Variants in CADM2 observed in about 807,000 individuals in gnomAD.
The protein encoded by CADM2 is immunoglobulin superfamily member 4D.
Under a neutral mutation model 49.8 loss-of-function variants are expected in CADM2, and 12 were observed. The ratio of observed to expected loss-of-function variants is 0.24; its 90% CI spans 0.15 to 0.39. The LOEUF (loss-of-function observed/expected upper bound fraction) is 0.39, where lower values mean the gene tolerates loss of function less well. CADM2 is among the 10% of genes least tolerant of loss of function. The pLI, the probability that CADM2 is intolerant of heterozygous loss-of-function variation, is 1.00. For missense variants in CADM2, 378 were observed against 492.3 expected (o/e 0.77, Z 2.20); for synonymous variants, 214 against 175.4 (o/e 1.22, Z -1.74).
At chr3:85,282,315 A>G (rs72919263) in intron 1 of CADM2, among the ~76,000 whole-genome samples, 25,426 of 134,378 alleles carry the variant, frequency 0.19, 4,039 homozygotes, top group African/African-American at 0.46. Context: ...AGGCTGTAGT[A>G]CAGTAGTGTG....
chr3:85,713,746 C>T (rs1033031809), intron 1 of CADM2, among the ~76,000 whole-genome samples: 2 of 152,084 alleles, frequency 1.3e-5, no homozygotes, highest in African/African-American at 4.8e-5. Context: ...TCTAAATGAC[C>T]ACATTTTCAT....
chr3:85,606,891 G>T (rs946385646), intron 1 of CADM2, among the ~76,000 whole-genome samples: 5 of 151,816 alleles, frequency 3.3e-5, no homozygotes, highest in African/African-American at 1.2e-4. Context: ...TAAGATATTT[G>T]GTCTTCAGGG....
chr3:85,630,447 G>T (rs944690803), intron 1 of CADM2, among the ~76,000 whole-genome samples: 2 of 151,972 alleles, frequency 1.3e-5, no homozygotes, highest in Non-Finnish European at 2.9e-5. Context: ...CATCTGTATA[G>T]TGTAGAAACA....
intron 1 of CADM2, among the ~76,000 whole-genome samples, chr3:85,081,224 G>A (rs1341538332): frequency 6.6e-6 from 1 of 152,034 alleles, no homozygotes; most frequent in Non-Finnish European, 1.5e-5. Context: ...TTAAGTTGGT[G>A]TCTGTTTCAT....
At chr3:85,929,472 G>A (rs539558671) in intron 6 of CADM2, among the ~76,000 whole-genome samples, 2 of 152,014 alleles carry the variant, frequency 1.3e-5, no homozygotes, top group South Asian at 2.1e-4. Flanking sequence ...AAGTTTGGAT[G>A]ATGCACTATT....
chr3:85,505,998 T>C (rs973315808), intron 1 of CADM2, among the ~76,000 whole-genome samples: 93 of 152,224 alleles, frequency 6.1e-4, no homozygotes, highest in African/African-American at 2.1e-3. Context: ...CCTTCTTTTT[T>C]AGAATAGTCA....
At chr3:85,147,729 T>C (rs2039797516) in intron 1 of CADM2, among the ~76,000 whole-genome samples, 1 of 152,162 alleles carries the variant, frequency 6.6e-6, no homozygotes, top group African/African-American at 2.4e-5. Context: ...TTGTTCAGGA[T>C]GTTAAAAGAT....
intron 7 of CADM2, among the ~76,000 whole-genome samples, chr3:85,943,107 G>A (rs376678071): frequency 6.6e-6 from 1 of 151,720 alleles, no homozygotes; most frequent in East Asian, 1.9e-4. Context: ...ATTTTTTCAT[G>A]TGTTTTTTGG....
chr3:86,061,475 GTT>G (rs1738642708), intron 8 of CADM2, among the ~76,000 whole-genome samples: 3 of 152,012 alleles, frequency 2.0e-5, no homozygotes, highest in Admixed American at 1.3e-4. Context: ...AAAAACAGAA[GTT>G]ATATTTTAAC....
intron 1 of CADM2, among the ~76,000 whole-genome samples, chr3:85,260,099 G>A (rs1490699194): frequency 6.6e-6 from 1 of 151,862 alleles, no homozygotes; most frequent in Non-Finnish European, 1.5e-5. Context: ...CTATTGCTCA[G>A]TAGAATATAA....
At chr3:86,056,998 A>G (rs749279959) in intron 8 of CADM2, among the ~76,000 whole-genome samples, 4 of 152,170 alleles carry the variant, frequency 2.6e-5, no homozygotes, top group African/African-American at 4.8e-5. Flanking sequence ...TAAAACTCAA[A>G]GTTTCTACAC....
chr3:85,997,573 A>G (rs1360985581), intron 8 of CADM2, among the ~76,000 whole-genome samples: 1 of 152,210 alleles, frequency 6.6e-6, no homozygotes. Context: ...GAAACAACCT[A>G]TCTTAAAATT....
chr3:85,840,686 T>C (rs2074603234), intron 3 of CADM2, among the ~76,000 whole-genome samples: 1 of 152,012 alleles, frequency 6.6e-6, no homozygotes. Flanking sequence ...ACTTGCAGTA[T>C]CCCTTAGGAT....
chr3:85,308,666 G>T (rs922325826), intron 1 of CADM2, among the ~76,000 whole-genome samples: 12 of 151,970 alleles, frequency 7.9e-5, no homozygotes, highest in Non-Finnish European at 1.6e-4. Context: ...AAAGAGCTTT[G>T]CAGTGTATGA....
At chr3:85,723,783 A>C (rs996165536) in intron 1 of CADM2, among the ~76,000 whole-genome samples, 4 of 152,064 alleles carry the variant, frequency 2.6e-5, no homozygotes, top group African/African-American at 9.7e-5. Context: ...TTTCTTATAA[A>C]AGATTGGTTG....
At chr3:85,724,714 T>G (rs2067625383) in intron 1 of CADM2, among the ~76,000 whole-genome samples, 1 of 151,966 alleles carries the variant, frequency 6.6e-6, no homozygotes. Flanking sequence ...CTGCAAATTT[T>G]ATTTTTTATC....
chr3:85,647,479 A>G (rs1213854508), intron 1 of CADM2, among the ~76,000 whole-genome samples: 1 of 151,794 alleles, frequency 6.6e-6, no homozygotes, highest in Non-Finnish European at 1.5e-5. Flanking sequence ...TTTCAAAAAT[A>G]TTTAAGATAA....
chr3:85,374,187 T>C (rs1283577238), intron 1 of CADM2, among the ~76,000 whole-genome samples: 2 of 152,136 alleles, frequency 1.3e-5, no homozygotes, highest in Non-Finnish European at 2.9e-5. Context: ...GTTAATAAAA[T>C]GTGAATGCTT....
At chr3:85,333,415 C>T (rs1457738468) in intron 1 of CADM2, among the ~76,000 whole-genome samples, 2 of 151,566 alleles carry the variant, frequency 1.3e-5, no homozygotes, top group Non-Finnish European at 3.0e-5. Context: ...AATTTTATGT[C>T]TATATTATAT....
Sources: allele counts gnomAD v4.1 joint callset (sites outside exome capture counted in the v4.1 genomes callset), GRCh38; gene constraint gnomAD v4.1.1; transcripts MANE v1.5; gene names NCBI Gene and HGNC (gene_info 2026-07-23, HGNC 2026-07-21).